GPR39: variants seen among roughly 807,000 people sequenced by gnomAD.
GPR39 encodes zinc sensing receptor.
Under a neutral mutation model 18.4 loss-of-function variants are expected in GPR39, and 23 were observed. The ratio of observed to expected loss-of-function variants is 1.25; its 90% CI spans 0.90 to 1.77. The LOEUF is 1.77. GPR39 is among the 40% of genes most tolerant of loss of function. GPR39 has a pLI of 0.00. For synonymous variants in GPR39, 280 were observed against 257.9 expected (o/e 1.09, Z -0.82); for missense variants, 647 against 602.4 (o/e 1.07, Z -0.78).
chr2:132,464,467 T>A (rs1001287766), intron 1 of GPR39, among the ~76,000 whole-genome samples: 1 of 152,188 alleles, frequency 6.6e-6, no homozygotes, highest in African/African-American at 2.4e-5. Flanking sequence ...TTCTGATCAC[T>A]CATTTCTAGC....
At position 132,646,207 on chromosome 2, in the gene GPR39, G is replaced by A. The variant is rs1322680245; in HGVS notation, c.*601G>A. On this transcript the variant is annotated 3_prime_UTR_variant, in exon 2 of 2. Coordinates refer to ENST00000329321, the MANE Select transcript of GPR39 (RefSeq NM_001508.3). Reference sequence around the variant, plus strand: ...AAACTGAGTTCAGTTTCCCTGGGGAGCAGAAGGACTGGTACCCGGCAGAGG... The same window carrying A: ...AAACTGAGTTCAGTTTCCCTGGGGAACAGAAGGACTGGTACCCGGCAGAGG... 6.2e-7 allele frequency: 1 copy of A among 1,606,322 alleles called. No homozygotes were observed. Among genetic ancestry groups the A allele is most frequent in the Non-Finnish European group, 8.5e-7 (1 of 1,175,524 alleles).
chr2:132,437,209 T>G (rs184391917), intron 1 of GPR39, among the ~76,000 whole-genome samples: 20 of 152,314 alleles, frequency 1.3e-4, no homozygotes, highest in African/African-American at 3.6e-4. Context: ...AAACAAAAGT[T>G]TCACTGAACG....
intron 1 of GPR39, among the ~76,000 whole-genome samples, chr2:132,561,463 T>C (rs3109143): frequency 0.63 from 95,858 of 151,976 alleles, 31,860 homozygotes; most frequent in East Asian, 0.92. Flanking sequence ...ACTGCCTTTG[T>C]CGTCACCTGA....
intron 1 of GPR39, among the ~76,000 whole-genome samples, chr2:132,448,636 G>A (rs1285261678): frequency 6.6e-6 from 1 of 152,120 alleles, no homozygotes; most frequent in African/African-American, 2.4e-5. Context: ...TCTTTCTCTT[G>A]ACATTTATCC....
intron 1 of GPR39, among the ~76,000 whole-genome samples, chr2:132,634,060 T>C (rs575549249): frequency 4.1e-4 from 58 of 142,276 alleles, no homozygotes; most frequent in African/African-American, 1.6e-3. Context: ...ATGGTGGGGG[T>C]GGCAGTAGTA....
chr2:132,421,722 G>A (rs1369935973), intron 1 of GPR39, among the ~76,000 whole-genome samples: 1 of 152,138 alleles, frequency 6.6e-6, no homozygotes, highest in Non-Finnish European at 1.5e-5. Flanking sequence ...TTAGATATTT[G>A]TGGCATGGTT....
intron 1 of GPR39, among the ~76,000 whole-genome samples, chr2:132,508,174 TG>T (rs1244774927): frequency 3.3e-5 from 5 of 152,040 alleles, no homozygotes; most frequent in African/African-American, 9.7e-5. Context: ...AGGGTCCACT[TG>T]GAATAATGAA....
chr2:132,587,270 A>G (rs1356790179), intron 1 of GPR39, among the ~76,000 whole-genome samples: 1 of 152,230 alleles, frequency 6.6e-6, no homozygotes, highest in Non-Finnish European at 1.5e-5. Flanking sequence ...AAACAAAAGC[A>G]TAGAAACCAA....
chr2:132,435,235 C>G (rs1205875550), intron 1 of GPR39, among the ~76,000 whole-genome samples: 4 of 152,008 alleles, frequency 2.6e-5, no homozygotes, highest in Non-Finnish European at 5.9e-5. Context: ...TCTCCTGCTC[C>G]CCGCACACCT....
chr2:132,535,555 T>C (rs1679739949), intron 1 of GPR39, among the ~76,000 whole-genome samples: 1 of 152,160 alleles, frequency 6.6e-6, no homozygotes, highest in Non-Finnish European at 1.5e-5. Flanking sequence ...GGTTTTGGTA[T>C]CAGGATGATG....
intron 1 of GPR39, among the ~76,000 whole-genome samples, chr2:132,562,778 A>G (rs2104805384): frequency 6.6e-6 from 1 of 152,314 alleles, no homozygotes; most frequent in South Asian, 2.1e-4. Flanking sequence ...GCACACCTGC[A>G]TGAATGAAGG....
At chr2:132,584,623 G>GA (rs202081534) in intron 1 of GPR39, among the ~76,000 whole-genome samples, 2,988 of 150,112 alleles carry the variant, frequency 0.02, 106 homozygotes, top group African/African-American at 0.068. Context: ...TTCTTTCAGG[G>GA]GAAAAAAAAA....
At chr2:132,490,212 A>G (rs1436290653) in intron 1 of GPR39, among the ~76,000 whole-genome samples, 1 of 151,996 alleles carries the variant, frequency 6.6e-6, no homozygotes, top group African/African-American at 2.4e-5. Flanking sequence ...GATGCAGCCT[A>G]TTAATGCACA....
chr2:132,446,601 T>C (rs964639092), intron 1 of GPR39, among the ~76,000 whole-genome samples: 2 of 152,166 alleles, frequency 1.3e-5, no homozygotes, highest in Non-Finnish European at 1.5e-5. Context: ...CCTCTGCCTG[T>C]GTCTTGGAAA....
intron 1 of GPR39, among the ~76,000 whole-genome samples, chr2:132,517,065 A>G (rs1679348084): frequency 1.3e-5 from 2 of 152,052 alleles, no homozygotes; most frequent in African/African-American, 2.4e-5. Context: ...TTTTTTTTTA[A>G]AAGCGGACAC....
At position 132,646,572 on chromosome 2, in the gene GPR39, G is replaced by C. The variant is rs1245244128; in HGVS notation, c.*966G>C. On this transcript the variant is annotated 3_prime_UTR_variant, in exon 2 of 2. Transcript: ENST00000329321. ...TTAAATAGACTTATTTACATTTTAA[G>C]TCAGAGTTCACACTGTGTACAAGAC... 1 of 298,448 alleles carries C rather than the reference G, an allele frequency of 3.4e-6. No individual in the cohort carries two copies. 18.5% of individuals were successfully genotyped at this position (298,448 alleles called of 1,614,324 possible). A position where few individuals can be genotyped will look rare whatever the true frequency, so the allele number is the denominator to read the frequency against.
chr2:132,465,247 A>G (rs1029431005), intron 1 of GPR39, among the ~76,000 whole-genome samples: 12 of 152,034 alleles, frequency 7.9e-5, no homozygotes, highest in Non-Finnish European at 1.8e-4. Flanking sequence ...GCCTGGACAA[A>G]TCTGTAAGGA....
chr2:132,570,053 T>C (rs1050583409), intron 1 of GPR39, among the ~76,000 whole-genome samples: 3 of 152,196 alleles, frequency 2.0e-5, no homozygotes, highest in Non-Finnish European at 4.4e-5. Flanking sequence ...GAAGCAGAAC[T>C]GGGACTGGGG....
intron 1 of GPR39, among the ~76,000 whole-genome samples, chr2:132,584,106 TG>T (rs758400003): frequency 5.3e-4 from 81 of 152,172 alleles, no homozygotes; most frequent in Middle Eastern, 3.4e-3. Flanking sequence ...TAGTGGCCTT[TG>T]GAGGACAGGT....
Sources: gnomAD v4.1 joint callset for allele counts (sites outside exome capture counted in the v4.1 genomes callset) on GRCh38, gnomAD v4.1.1 for gene constraint, MANE v1.5 for transcripts, NCBI Gene and HGNC (gene_info 2026-07-23, HGNC 2026-07-21) for gene names.